The following MACC1 variants were observed in gnomAD, a reference collection of about 807,000 sequenced individuals.
MACC1 encodes MET transcriptional regulator MACC1.
A neutral mutation model predicts 70.7 loss-of-function variants in MACC1; 79 were observed. The ratio of observed to expected loss-of-function variants is 1.12; its 90% CI spans 0.93 to 1.35. The LOEUF (loss-of-function observed/expected upper bound fraction) is 1.35. Ranked by LOEUF, MACC1 falls within the 40% of genes most tolerant of loss-of-function variation. MACC1 has a pLI of 0.00. For missense variants in MACC1, 1,106 were observed against 978.1 expected (o/e 1.13, Z -1.74); for synonymous variants, 361 against 347.2 (o/e 1.04, Z -0.44).
chr7:20,145,883 G>C (rs1234408386), intron 6 of MACC1, among the ~76,000 whole-genome samples: 2 of 152,196 alleles, frequency 1.3e-5, no homozygotes, highest in African/African-American at 2.4e-5. Flanking sequence ...CTCTAGGCTG[G>C]GGGTGGTGGC....
chr7:20,153,394 T>C (rs750957653), intron 6 of MACC1: 16 of 152,218 alleles, frequency 1.1e-4, no homozygotes, highest in Non-Finnish European at 2.1e-4. Flanking sequence ...AAGTCATCTC[T>C]AATAGAGAGA....
At chr7:20,189,748 TAA>T (rs1491228036) in intron 1 of MACC1, among the ~76,000 whole-genome samples, 35,777 of 110,702 alleles carry the variant, frequency 0.32, 5,611 homozygotes, top group East Asian at 0.62. Context: ...CACAAACACA[TAA>T]ACACACACAC....
intron 1 of MACC1, among the ~76,000 whole-genome samples, chr7:20,180,368 G>C (rs532587178): frequency 6.6e-6 from 1 of 151,722 alleles, no homozygotes; most frequent in South Asian, 2.1e-4. Context: ...GCTTGAACCC[G>C]GGAGGAGGAG....
At position 20,134,856 on chromosome 7, in the gene MACC1, A is replaced by G. The variant is rs1034708018; in HGVS notation, c.*6090T>C. 30 of 152,196 alleles carry G rather than the reference A, an allele frequency of 2.0e-4. No homozygotes were observed. The highest frequency in any genetic ancestry group is 5.2e-4 in the Admixed American group (8 of 15,284). 9.4% of individuals were successfully genotyped at this position (152,196 alleles called of 1,614,324 possible). On this transcript the variant is annotated 3_prime_UTR_variant, in exon 7 of 7. Coordinates refer to ENST00000400331, the MANE Select transcript of MACC1 (RefSeq NM_182762.4). ...TCCAATCACCCAAAGAAAAACAATTAACAAGGAAATGATGGCAGAGGATAA... is the reference window on the plus strand; with the variant it reads ...TCCAATCACCCAAAGAAAAACAATTGACAAGGAAATGATGGCAGAGGATAA...
chr7:20,182,138 C>A (rs1488232603), intron 1 of MACC1, among the ~76,000 whole-genome samples: 2 of 133,390 alleles, frequency 1.5e-5, no homozygotes, highest in African/African-American at 5.8e-5. Flanking sequence ...GGGAATTGAA[C>A]AATGAGAACA....
chr7:20,173,660 T>G (rs1249240746), intron 1 of MACC1, among the ~76,000 whole-genome samples: 2 of 152,218 alleles, frequency 1.3e-5, no homozygotes, highest in Non-Finnish European at 2.9e-5. Flanking sequence ...TTGCCTAGCA[T>G]TATCTGCTTC....
chr7:20,159,371 T>G lies in MACC1; in HGVS notation c.990A>C (p.Lys330Asn). The G allele has an allele frequency of 6.2e-7, 1 of 1,614,110 alleles. No individual in the cohort carries two copies. The highest frequency in any genetic ancestry group is 8.5e-7 in the Non-Finnish European group (1 of 1,180,016). Residue 330 changes from lysine (K) to asparagine (N), a missense_variant, in exon 5 of 7, where the codon AAA becomes AAC. Coordinates refer to ENST00000400331, the MANE Select transcript of MACC1 (RefSeq NM_182762.4). ...CGATTAGCTTGACTTGGATGGTGTC[T>G]TTATAAATGTAGCAGTTGCTTAAAA... ...FKVLSNCYIY[K>N]DTIQVKLIDL...
chr7:20,211,512 A>G (rs759135749), intron 1 of MACC1, among the ~76,000 whole-genome samples: 2 of 152,218 alleles, frequency 1.3e-5, no homozygotes, highest in Non-Finnish European at 2.9e-5. Flanking sequence ...ATTTTGCACC[A>G]TATTTTAGAA....
At chr7:20,173,438 A>G (rs1057122220) in intron 1 of MACC1, among the ~76,000 whole-genome samples, 3 of 152,274 alleles carry the variant, frequency 2.0e-5, no homozygotes, top group Admixed American at 1.3e-4. Flanking sequence ...TCCAGGTTTT[A>G]GGGACAAATT....
intron 1 of MACC1, among the ~76,000 whole-genome samples, chr7:20,193,782 C>T (rs78599515): frequency 2.8e-5 from 4 of 142,522 alleles, no homozygotes; most frequent in Non-Finnish European, 4.6e-5. Context: ...TCTATTCCTT[C>T]TTTTTTTTTT....
chr7:20,164,842 G>A (rs548502280), intron 2 of MACC1, among the ~76,000 whole-genome samples: 12 of 149,904 alleles, frequency 8.0e-5, no homozygotes, highest in Middle Eastern at 3.5e-3. Context: ...AACTATTTTC[G>A]AAAAGATAAA....
intron 2 of MACC1, among the ~76,000 whole-genome samples, chr7:20,168,475 C>G (rs1483782363): frequency 6.6e-6 from 1 of 152,162 alleles, no homozygotes; most frequent in East Asian, 1.9e-4. Context: ...TCACAGTGAT[C>G]ATAGAACACA....
chr7:20,154,346 T>C lies in MACC1; in HGVS notation c.2193A>G (p.Ala731=). ...GAACAGCAGCTTCTTGGATGAGACG[T>C]GCGACTAACTCTTGGCAATCCATTT... The part of the protein sequence containing the change: ...LLKMDCQELV[A]RLIQEAAVLT... The change falls in exon 6 of 7, where the codon GCA becomes GCG. Residue 731 remains alanine, a synonymous_variant. Transcript: ENST00000400331. 1 of 1,613,884 alleles carries C rather than the reference T, an allele frequency of 6.2e-7. No individual in the cohort carries two copies. The highest frequency in any genetic ancestry group is 1.3e-5 in the African/African-American group (1 of 75,030).
At chr7:20,185,767 G>C (rs1020141278) in intron 1 of MACC1, among the ~76,000 whole-genome samples, 1 of 152,186 alleles carries the variant, frequency 6.6e-6, no homozygotes, top group Admixed American at 6.5e-5. Flanking sequence ...GCTTTGTGCA[G>C]GCAGGCTTCT....
At chr7:20,213,184 TCA>T (rs1249227471) in intron 1 of MACC1, among the ~76,000 whole-genome samples, 1 of 152,126 alleles carries the variant, frequency 6.6e-6, no homozygotes, top group African/African-American at 2.4e-5. Context: ...AAGCTCAACA[TCA>T]CTGATCATTA....
rs1234395160 is a variant in MACC1 at position 20,141,057 on chromosome 7, T to C, written c.2448A>G (p.Arg816=). Residue 816 remains arginine (R), a synonymous_variant, in exon 7 of 7, where the codon AGA becomes AGG. Transcript: ENST00000400331. ...VLQDLQSALD[R]MKNPVTKHWR... is the part of the protein sequence containing the mutation. Reference sequence around the variant, plus strand: ...AGTGTTTAGTCACAGGGTTTTTCATTCTGTCCAAAGCTGACTGAAGGTCTT... The same window carrying C: ...AGTGTTTAGTCACAGGGTTTTTCATCCTGTCCAAAGCTGACTGAAGGTCTT... The C allele has an allele frequency of 3.1e-6, 5 of 1,613,862 alleles. No homozygotes were observed. The South Asian group carries it at 3.3e-5, about 11-fold the overall frequency.
intron 1 of MACC1, among the ~76,000 whole-genome samples, chr7:20,201,845 G>A (rs1314000480): frequency 6.6e-6 from 1 of 152,182 alleles, no homozygotes; most frequent in Non-Finnish European, 1.5e-5. Flanking sequence ...TGTCTCCAAG[G>A]ATGCAAAATG....
chr7:20,183,791 C>T (rs1194865741), intron 1 of MACC1, among the ~76,000 whole-genome samples: 1 of 151,306 alleles, frequency 6.6e-6, no homozygotes, highest in Non-Finnish European at 1.5e-5. Flanking sequence ...TCACTGCAGC[C>T]TCCGTTCCCG....
At chr7:20,211,508 C>T (rs1338722722) in intron 1 of MACC1, among the ~76,000 whole-genome samples, 1 of 152,160 alleles carries the variant, frequency 6.6e-6, no homozygotes, top group African/African-American at 2.4e-5. Flanking sequence ...TCAAATTTTG[C>T]ACCATATTTT....
Sources: allele counts gnomAD v4.1 joint callset (sites outside exome capture counted in the v4.1 genomes callset), GRCh38; gene constraint gnomAD v4.1.1; transcripts MANE v1.5; gene names NCBI Gene and HGNC (gene_info 2026-07-23, HGNC 2026-07-21).